Variants in ASPHD1 observed in about 807,000 individuals in gnomAD.
ASPHD1 encodes aspartate beta-hydroxylase domain-containing protein 1.
Under a neutral mutation model 28.3 loss-of-function variants are expected in ASPHD1, and 20 were observed. The observed-to-expected ratio is 0.71, with a 90% confidence interval of 0.50 to 1.03. ASPHD1 has a LOEUF of 1.03. Among genes scored for constraint, ASPHD1 ranks in the 50% least tolerant of loss-of-function variants. The pLI, the probability that ASPHD1 is intolerant of heterozygous loss-of-function variation, is 0.00. For synonymous variants in ASPHD1, 240 were observed against 221.2 expected, an observed-to-expected ratio of 1.08 and a Z score of -0.75; for missense variants, 479 against 524.1, an observed-to-expected ratio of 0.91 and a Z score of 0.84.
intron 3 of ASPHD1, among the ~76,000 whole-genome samples, chr16:29,912,792 G>A (rs1046755260): frequency 1.3e-5 from 2 of 152,200 alleles, no homozygotes; most frequent in Non-Finnish European, 2.9e-5. Context: ...CTAACTTTTT[G>A]TATTTGTTTA....
chr16:29,901,514 C>T lies in ASPHD1; in HGVS notation c.543C>T (p.Val181=). 6.3e-7 allele frequency: 1 copy of T among 1,591,728 alleles called. No homozygotes were observed. Among genetic ancestry groups the T allele is most frequent in the Non-Finnish European group, 8.5e-7 (1 of 1,173,780 alleles). The change falls in exon 1 of 3, where the codon GTC becomes GTT. Residue 181 remains valine, a synonymous_variant. Transcript: ENST00000308748. The surrounding 1 kb of genome is among the most constrained non-coding windows in gnomAD (Gnocchi z 5.1). ...CAGGCCCTGGGAGAGGGCCAGGGGTCCTAGGTATTCAGCGCCCAGGCCTGC... is the reference window on the plus strand; with the variant it reads ...CAGGCCCTGGGAGAGGGCCAGGGGTTCTAGGTATTCAGCGCCCAGGCCTGC... ...GGPGPGRGPG[V]LGIQRPGLLF...
intron 3 of ASPHD1, chr16:29,911,760 C>T (rs2068714645): frequency 6.3e-7 from 1 of 1,591,928 alleles, no homozygotes; most frequent in Non-Finnish European, 8.6e-7. Context: ...TGGGCAGAAG[C>T]AGGGCTGTGC....
chr16:29,917,552 C>A (rs1034049444), intron 3 of ASPHD1, among the ~76,000 whole-genome samples: 2 of 151,986 alleles, frequency 1.3e-5, no homozygotes, highest in African/African-American at 4.8e-5. Context: ...GAGACCAAGG[C>A]GGGCGGATCA....
In ASPHD1 at chr16:29,901,229, C is replaced by G. The variant is rs1368868259; in HGVS notation, c.258C>G (p.Ala86=). The change falls in exon 1 of 3, where the codon GCC becomes GCG. Residue 86 remains alanine (A), a synonymous_variant. Coordinates refer to ENST00000308748, the MANE Select transcript of ASPHD1 (RefSeq NM_181718.4). The surrounding 1 kb of genome is among the most constrained non-coding windows in gnomAD (Gnocchi z 5.1). ...ASSALTLLFG[A]LTSLFLWYCY... Reference sequence around the variant, plus strand: ...CGGCCCTCACCTTGCTCTTCGGGGCCCTCACTTCCCTGTTCCTCTGGTACT... The same window carrying G: ...CGGCCCTCACCTTGCTCTTCGGGGCGCTCACTTCCCTGTTCCTCTGGTACT... 1.9e-6 allele frequency: 3 copies of G among 1,613,668 alleles called. No homozygotes were observed. Among genetic ancestry groups the G allele is most frequent in the Non-Finnish European group, 2.5e-6 (3 of 1,179,966 alleles).
chr16:29,902,825 T>C (rs977200463), intron 1 of ASPHD1, among the ~76,000 whole-genome samples: 15 of 151,838 alleles, frequency 9.9e-5, no homozygotes, highest in Non-Finnish European at 2.2e-4. Flanking sequence ...CTACACCTTC[T>C]TTTTTAAAAG....
intron 3 of ASPHD1, among the ~76,000 whole-genome samples, chr16:29,917,426 C>T (rs537811691): frequency 2.3e-4 from 35 of 152,150 alleles, no homozygotes; most frequent in Non-Finnish European, 3.2e-4. Flanking sequence ...GTGGGCAGAT[C>T]GCTTGAGCTC....
intron 2 of ASPHD1, 170 bp downstream of exon 2, chr16:29,905,135 CCTT>C: frequency 1.1e-5 from 6 of 547,908 alleles, no homozygotes; most frequent in South Asian, 9.0e-5. Context: ...AGGACCACCA[CCTT>C]CTTCATCAAG....
At chr16:29,915,058 T>A (rs894789211) in intron 3 of ASPHD1, 4 of 152,050 alleles carry the variant, frequency 2.6e-5, no homozygotes, top group African/African-American at 9.7e-5. Flanking sequence ...AATTCTGTAA[T>A]CCAGTTGGAG....
downstream of ASPHD1, among the ~76,000 whole-genome samples, chr16:29,908,869 AT>A (rs1249871432): frequency 6.7e-6 from 1 of 149,738 alleles, no homozygotes; most frequent in Non-Finnish European, 1.5e-5. Context: ...ATTTTTTTTT[AT>A]TTTTTGTAGA....
chr16:29,904,572 C>T (rs1452388533), intron 1 of ASPHD1, among the ~76,000 whole-genome samples: 1 of 150,556 alleles, frequency 6.6e-6, no homozygotes, highest in Non-Finnish European at 1.5e-5. Flanking sequence ...GAGATCACAC[C>T]ACTCCACTCC....
At chr16:29,903,084 G>A (rs964764259) in intron 1 of ASPHD1, among the ~76,000 whole-genome samples, 12 of 151,158 alleles carry the variant, frequency 7.9e-5, no homozygotes, top group Non-Finnish European at 1.5e-4. Context: ...GGCCAGGCGC[G>A]GTGGCTCACG....
Position 29,901,423 on chromosome 16 carries a change from G to C in ASPHD1, c.452G>C (p.Arg151Pro). 1 of 1,595,772 alleles carries C rather than the reference G, an allele frequency of 6.3e-7. No homozygotes were observed. The highest frequency in any genetic ancestry group is 8.5e-7 in the Non-Finnish European group (1 of 1,172,460). The change falls in exon 1 of 3, where the codon CGG becomes CCG. Residue 151 changes from arginine (R) to proline (P), a missense_variant. Transcript: ENST00000308748. The surrounding 1 kb of genome is among the most constrained non-coding windows in gnomAD (Gnocchi z 5.1). ...RTEGLVSRRL[R>P]AYARRYSWAG... Reference sequence around the variant, plus strand: ...GAAGGCCTAGTGAGCCGGCGGCTTCGGGCCTACGCAAGGCGCTACTCCTGG... The same window carrying C: ...GAAGGCCTAGTGAGCCGGCGGCTTCCGGCCTACGCAAGGCGCTACTCCTGG...
At chr16:29,905,739 C>CAAGT in intron 2 of ASPHD1, 49 bp from the exon 3 acceptor site, 1 of 1,356,386 alleles carries the variant, frequency 7.4e-7, no homozygotes, top group Non-Finnish European at 1.1e-6. Context: ...CTCTGGTGTG[C>CAAGT]AAGTACCTAA....
intron 3 of ASPHD1, chr16:29,912,235 A>T: frequency 3.2e-6 from 2 of 622,242 alleles, no homozygotes; most frequent in Non-Finnish European, 5.6e-6. Flanking sequence ...GGTCCCACGG[A>T]CACCTTGCTG....
At chr16:29,906,458 G>GT (rs1348809851), downstream of ASPHD1, 6 of 462,090 alleles carry the variant, frequency 1.3e-5, no homozygotes, top group East Asian at 4.1e-4. Flanking sequence ...AGTTAAGGAG[G>GT]TAGGGAGGAT....
chr16:29,903,924 G>A (rs566669960), intron 1 of ASPHD1, among the ~76,000 whole-genome samples: 68 of 152,112 alleles, frequency 4.5e-4, no homozygotes, highest in African/African-American at 1.6e-3. Flanking sequence ...GTGAGACAGC[G>A]CCTATCACAC....
Position 29,900,519 on chromosome 16 carries a change from T to G in ASPHD1, c.-453T>G, listed in dbSNP as rs1597001284. On this transcript the variant is annotated 5_prime_UTR_variant, in exon 1 of 3. Coordinates refer to ENST00000308748, the MANE Select transcript of ASPHD1 (RefSeq NM_181718.4). ...CTGATTTGCTGTGCCACTGGGAGGGTTCGGGGGTGGCTGAGCTGAGAGGGC... is the reference window on the plus strand; with the variant it reads ...CTGATTTGCTGTGCCACTGGGAGGGGTCGGGGGTGGCTGAGCTGAGAGGGC... 2 of 167,866 alleles carry G rather than the reference T, an allele frequency of 1.2e-5. No individual in the cohort carries two copies. The highest frequency in any genetic ancestry group is 1.3e-4 in the South Asian group (1 of 7,480). 10.4% of individuals were successfully genotyped at this position (167,866 alleles called of 1,614,324 possible).
chr16:29,906,877 C>T (rs769549759), downstream of ASPHD1: 2 of 1,613,694 alleles, frequency 1.2e-6, no homozygotes, highest in Non-Finnish European at 1.7e-6. Flanking sequence ...AGAGGTCAGT[C>T]CTTGAAGACA....
downstream of ASPHD1, among the ~76,000 whole-genome samples, chr16:29,908,513 G>A (rs1401122534): frequency 1.3e-5 from 2 of 152,036 alleles, no homozygotes; most frequent in Non-Finnish European, 2.9e-5. Context: ...ACCTCCCGGA[G>A]TAGCTGGGAT....
Sources: allele counts gnomAD v4.1 joint callset (sites outside exome capture counted in the v4.1 genomes callset), GRCh38; gene constraint gnomAD v4.1.1; non-coding constraint Gnocchi (gnomAD v3.1); transcripts MANE v1.5; gene names NCBI Gene and HGNC (gene_info 2026-07-23, HGNC 2026-07-21).